DOCK1: variants seen among roughly 807,000 people sequenced by gnomAD.
The protein encoded by DOCK1 is dedicator of cytokinesis 1, also known as dedicator of cytokinesis protein 1.
Under a neutral mutation model 262.7 loss-of-function variants are expected in DOCK1, and 138 were observed. The observed-to-expected ratio is 0.53, with a 90% CI of 0.46 to 0.61. DOCK1 has a LOEUF of 0.61. Ranked by LOEUF, DOCK1 falls within the 20% of genes least tolerant of loss-of-function variation. DOCK1 has a pLI of 0.00. For missense variants in DOCK1, 1,908 were observed against 2,370.7 expected (o/e 0.80, Z 4.05); for synonymous variants, 866 against 867.4 (o/e 1.00, Z 0.03).
intron 38 of DOCK1, among the ~76,000 whole-genome samples, chr10:127,400,803 C>T (rs1445073745): frequency 1.3e-5 from 2 of 152,176 alleles, no homozygotes; most frequent in Non-Finnish European, 1.5e-5. Flanking sequence ...AGTCATGCCT[C>T]TCCTGTAATC....
At chr10:126,999,998 C>T (rs2040473669) in intron 9 of DOCK1, among the ~76,000 whole-genome samples, 174 bp from the exon 10 acceptor site, 1 of 152,166 alleles carries the variant, frequency 6.6e-6, no homozygotes, top group Non-Finnish European at 1.5e-5. Flanking sequence ...CTTAAGCTCA[C>T]TTAACAGTAA....
intron 12 of DOCK1, among the ~76,000 whole-genome samples, chr10:127,017,163 C>T (rs1397206972): frequency 6.5e-4 from 83 of 127,802 alleles, no homozygotes; most frequent in Non-Finnish European, 1.1e-3. Context: ...ACCACAAACA[C>T]ACACACACAC....
chr10:126,908,319 G>A (rs910956596), intron 1 of DOCK1, among the ~76,000 whole-genome samples: 1 of 152,156 alleles, frequency 6.6e-6, no homozygotes, highest in African/African-American at 2.4e-5. Flanking sequence ...AAAATTACTG[G>A]AGGACCCCTC....
chr10:126,987,684 C>T, intron 5 of DOCK1, 67 bp downstream of exon 5: 2 of 1,302,188 alleles, frequency 1.5e-6, no homozygotes, highest in Non-Finnish European at 2.1e-6. Flanking sequence ...CCTGATATGC[C>T]AATGGGATGT....
chr10:126,982,507 G>A (rs7901020), intron 4 of DOCK1, among the ~76,000 whole-genome samples: 147,919 of 152,320 alleles, frequency 0.97, 71,848 homozygotes, highest in East Asian at 1. Flanking sequence ...AGGAATGGCA[G>A]ATGAATAACC....
At chr10:127,224,023 AAGTT>A (rs1281113542) in intron 27 of DOCK1, among the ~76,000 whole-genome samples, 3 of 152,296 alleles carry the variant, frequency 2.0e-5, no homozygotes, top group East Asian at 1.9e-4. Flanking sequence ...TAGGCTATCA[AAGTT>A]AGTTAGTGAC....
chr10:127,205,550 G>C (rs2057678242), intron 27 of DOCK1, among the ~76,000 whole-genome samples: 3 of 152,242 alleles, frequency 2.0e-5, no homozygotes, highest in African/African-American at 7.2e-5. Context: ...GATGGAGGCA[G>C]GTGGCCACAG....
chr10:127,128,337 T>G, intron 27 of DOCK1, among the ~76,000 whole-genome samples: 1 of 8,614 alleles, frequency 1.2e-4, no homozygotes, highest in Admixed American at 1.6e-3. Context: ...TCTCGTTTAA[T>G]TTTTTTTTTT....
At chr10:127,406,846 A>C (rs929781515) in intron 40 of DOCK1, among the ~76,000 whole-genome samples, 1 of 152,070 alleles carries the variant, frequency 6.6e-6, no homozygotes, top group African/African-American at 2.4e-5. Flanking sequence ...CTTTATATAC[A>C]TTTTTATTAT....
intron 32 of DOCK1, among the ~76,000 whole-genome samples, chr10:127,360,415 C>T (rs1174675798): frequency 2.0e-5 from 3 of 152,172 alleles, no homozygotes; most frequent in African/African-American, 7.2e-5. Context: ...GCTGCTCTGC[C>T]CAGTCGCCAG....
rs745704190 is a variant in DOCK1, at chr10:127,175,744, C to A, written c.2847+47980C>A. 1 of 1,614,066 alleles carries A rather than the reference C, an allele frequency of 6.2e-7. No homozygotes were observed. The highest frequency in any genetic ancestry group is 8.5e-7 in the Non-Finnish European group (1 of 1,180,026). On this transcript the variant is annotated intron_variant, in intron 27 of 51. Coordinates refer to ENST00000623213, the MANE Select transcript of DOCK1 (RefSeq NM_001290223.2). This position sits in a 1 kb window ranked among gnomAD's most constrained non-coding sequence, Gnocchi z 6.3. ...CCGAGCAGCTGGTAATCGGGCTCTTCGGATGGAGGCCGAGTGGAGTTTTGG... is the reference window on the plus strand; with the variant it reads ...CCGAGCAGCTGGTAATCGGGCTCTTAGGATGGAGGCCGAGTGGAGTTTTGG...
Position 127,127,748 on chromosome 10 carries a change from G to T in DOCK1, c.2831G>T (p.Arg944Leu). The change falls in exon 27 of 52, where the codon CGA becomes CTA. Residue 944 changes from arginine (R) to leucine (L), a missense_variant. Coordinates refer to ENST00000623213, the MANE Select transcript of DOCK1 (RefSeq NM_001290223.2). ...AACCGAACCGTCATTTCCATGGGAC[G>T]AGATTCTGAACTCATTGTAAGTGCT... ...TVNRTVISMG[R>L]DSELIGNFVA... 1 of 1,612,910 alleles carries T rather than the reference G, an allele frequency of 6.2e-7. No homozygotes were observed. Among genetic ancestry groups the T allele is most frequent in the South Asian group, 1.1e-5 (1 of 90,968 alleles).
At chr10:127,224,881 G>T (rs2058579482) in intron 27 of DOCK1, among the ~76,000 whole-genome samples, 1 of 152,068 alleles carries the variant, frequency 6.6e-6, no homozygotes, top group Admixed American at 6.5e-5. Flanking sequence ...TTCCTTTAGG[G>T]TCAAGACGAT....
intron 27 of DOCK1, among the ~76,000 whole-genome samples, chr10:127,197,725 C>G (rs1046758129): frequency 2.0e-5 from 3 of 152,188 alleles, no homozygotes; most frequent in Non-Finnish European, 4.4e-5. Flanking sequence ...TGAGTCTCTG[C>G]ACCTAGCACC....
intron 27 of DOCK1, among the ~76,000 whole-genome samples, chr10:127,236,407 T>G (rs539002166): frequency 7.3e-6 from 1 of 137,050 alleles, no homozygotes; most frequent in Admixed American, 7.6e-5. Flanking sequence ...CCCATCCTCC[T>G]TCCTTCCCTT....
At chr10:126,949,043 A>T (rs1177871943) in intron 1 of DOCK1, among the ~76,000 whole-genome samples, 1 of 151,772 alleles carries the variant, frequency 6.6e-6, no homozygotes, top group African/African-American at 2.4e-5. Context: ...TTCCCTGGCC[A>T]CCCTTCGGGA....
chr10:127,403,869 C>T (rs2067364759), intron 39 of DOCK1, among the ~76,000 whole-genome samples: 1 of 152,188 alleles, frequency 6.6e-6, no homozygotes, highest in South Asian at 2.1e-4. Context: ...CCTCCTCCAC[C>T]TTGTCATTTT....
chr10:127,371,133 G>C (rs1316960492), intron 33 of DOCK1, among the ~76,000 whole-genome samples: 1 of 152,190 alleles, frequency 6.6e-6, no homozygotes, highest in African/African-American at 2.4e-5. Flanking sequence ...AGTGGGACAG[G>C]ATCATTTAAT....
chr10:126,960,084 A>G (rs968906292), intron 1 of DOCK1, among the ~76,000 whole-genome samples: 10 of 152,182 alleles, frequency 6.6e-5, no homozygotes, highest in African/African-American at 1.7e-4. Context: ...GAGCCACCGC[A>G]TTTATTTGCT....
Sources: gnomAD v4.1 joint callset for allele counts (sites outside exome capture counted in the v4.1 genomes callset) on GRCh38, gnomAD v4.1.1 for gene constraint, Gnocchi (gnomAD v3.1) non-coding constraint, MANE v1.5 for transcripts, NCBI Gene and HGNC (gene_info 2026-07-23, HGNC 2026-07-21) for gene names.